CLMP: variants seen among roughly 807,000 people sequenced by gnomAD.
CLMP encodes CXADR like cell adhesion molecule, also known as CXADR-like membrane protein.
CLMP carries 27 observed loss-of-function variants against 45.2 expected under a neutral mutation model. The ratio of observed to expected loss-of-function variants is 0.60; its 90% CI spans 0.44 to 0.82. The LOEUF (loss-of-function observed/expected upper bound fraction) is 0.82. Ranked by LOEUF, CLMP falls within the 40% of genes least tolerant of loss-of-function variation. CLMP has a pLI of 0.00. For synonymous variants in CLMP, 167 were observed against 171.4 expected, an observed-to-expected ratio of 0.97 and a Z score of 0.20; for missense variants, 403 against 448.4, an observed-to-expected ratio of 0.90 and a Z score of 0.91.
At chr11:123,172,043 A>G (rs1348663521) in intron 1 of CLMP, among the ~76,000 whole-genome samples, 1 of 152,052 alleles carries the variant, frequency 6.6e-6, no homozygotes, top group Non-Finnish European at 1.5e-5. Flanking sequence ...TCAACATTAT[A>G]TTATGAGCAT....
intron 5 of CLMP, among the ~76,000 whole-genome samples, chr11:123,078,561 C>T (rs180953640): frequency 2.0e-5 from 3 of 152,180 alleles, no homozygotes; most frequent in African/African-American, 7.2e-5. Context: ...ATTTTCCTAC[C>T]TCAGCCTCCC....
intron 1 of CLMP, among the ~76,000 whole-genome samples, chr11:123,098,876 G>C (rs1034396765): frequency 1.3e-5 from 2 of 151,678 alleles, no homozygotes; most frequent in Admixed American, 6.6e-5. Flanking sequence ...GTACTTTTTA[G>C]TAGAGACGGG....
Position 123,170,895 on chromosome 11 carries a change from G to A in CLMP, c.28+24018C>T, listed in dbSNP as rs115100166. Among the ~76,000 whole-genome samples the A allele has an allele frequency of 9.2e-3, 1,408 of 152,310 alleles. 12 individuals are homozygous for A. The highest frequency in any genetic ancestry group is 0.028 in the African/African-American group (1,167 of 41,560). On this transcript the variant is annotated intron_variant, in intron 1 of 6. Transcript: ENST00000448775. ...GTTCATCACGGGGCGAGGACTCTGT[G>A]CCAGGCACTGGGCAAACCAAGACGA...
intron 1 of CLMP, among the ~76,000 whole-genome samples, chr11:123,171,650 G>T (rs1414152888): frequency 6.6e-6 from 1 of 151,810 alleles, no homozygotes; most frequent in African/African-American, 2.4e-5. Context: ...CACCATGTTG[G>T]CCAGGCTGGT....
intron 1 of CLMP, chr11:123,191,395 G>GAT (rs2135554415): frequency 6.6e-6 from 1 of 152,316 alleles, no homozygotes; most frequent in East Asian, 1.9e-4. Context: ...ATCCTACTGA[G>GAT]ACCTGTCGTT....
chr11:123,125,586 T>G (rs1217334383), intron 1 of CLMP, among the ~76,000 whole-genome samples: 1 of 126,138 alleles, frequency 7.9e-6, no homozygotes, highest in Non-Finnish European at 1.7e-5. Context: ...CCTCCCTCCT[T>G]TCTTTCTTCT....
intron 1 of CLMP, among the ~76,000 whole-genome samples, chr11:123,118,990 T>C (rs1210184440): frequency 4.0e-5 from 2 of 49,816 alleles, no homozygotes; most frequent in Non-Finnish European, 7.4e-5. Context: ...TCTTTCTTTC[T>C]TTCTTTCTTT....
intron 1 of CLMP, among the ~76,000 whole-genome samples, chr11:123,178,610 A>T (rs1861729427): frequency 6.6e-6 from 1 of 152,222 alleles, no homozygotes; most frequent in South Asian, 2.1e-4. Context: ...CATGACCTCC[A>T]TTCATGATGG....
chr11:123,112,769 C>CA (rs1322375010), intron 1 of CLMP, among the ~76,000 whole-genome samples: 160 of 128,560 alleles, frequency 1.2e-3, no homozygotes, highest in African/African-American at 4.8e-3. Context: ...TGTTAGTACC[C>CA]ATTTTTTTTT....
rs1389730088 is a variant in CLMP, at chr11:123,071,068, A to AT, written c.*2405dup. The AT allele has an allele frequency of 2.0e-5, 3 of 152,216 alleles. No homozygotes were observed. Among genetic ancestry groups the AT allele is most frequent in the Non-Finnish European group, 4.4e-5 (3 of 68,052 alleles). The allele number at this position is 152,216 out of a possible 1,614,324, so 9.4% of individuals were successfully genotyped here. A position where few individuals can be genotyped will look rare whatever the true frequency, so the allele number is the denominator to read the frequency against. ...TTTCCTCTTTAAGCATCTGCTTCCC[A>AT]TTTTAGAAACATGCTTTCATCACCA... On this transcript the variant is annotated 3_prime_UTR_variant, in exon 7 of 7. Transcript: ENST00000448775.
intron 2 of CLMP, among the ~76,000 whole-genome samples, chr11:123,090,076 T>C (rs7104473): frequency 0.17 from 25,223 of 149,374 alleles, 2,757 homozygotes; most frequent in East Asian, 0.39. Flanking sequence ...GCAACAAGAG[T>C]GAAACTCTGT....
intron 1 of CLMP, among the ~76,000 whole-genome samples, chr11:123,099,563 A>G (rs1866030954): frequency 6.6e-6 from 1 of 152,170 alleles, no homozygotes; most frequent in Admixed American, 6.5e-5. Context: ...AATTTATTTT[A>G]TTATGGAGAA....
At chr11:123,127,612 A>G (rs1404114768) in intron 1 of CLMP, among the ~76,000 whole-genome samples, 2 of 152,200 alleles carry the variant, frequency 1.3e-5, no homozygotes, top group African/African-American at 2.4e-5. Flanking sequence ...TTTTCATTTT[A>G]TCAGCATTAC....
intron 1 of CLMP, among the ~76,000 whole-genome samples, chr11:123,121,978 A>G (rs1004501287): frequency 6.6e-6 from 1 of 152,090 alleles, no homozygotes; most frequent in African/African-American, 2.4e-5. Flanking sequence ...CCTGGACTCA[A>G]GCAATCCGCC....
At chr11:123,182,719 G>A (rs1295018507) in intron 1 of CLMP, among the ~76,000 whole-genome samples, 3 of 152,074 alleles carry the variant, frequency 2.0e-5, no homozygotes, top group East Asian at 3.9e-4. Flanking sequence ...GCCCGACCTC[G>A]GCAAAAGGGT....
intron 1 of CLMP, among the ~76,000 whole-genome samples, chr11:123,130,970 G>A (rs1299019647): frequency 1.3e-5 from 2 of 150,556 alleles, no homozygotes; most frequent in Non-Finnish European, 2.9e-5. Flanking sequence ...AGCCTCCCAA[G>A]TAGCTGGGAT....
At chr11:123,085,779 T>TG (rs1020240468) in intron 2 of CLMP, among the ~76,000 whole-genome samples, 24 of 147,728 alleles carry the variant, frequency 1.6e-4, no homozygotes, top group African/African-American at 5.7e-4. Context: ...GTTTTTTTTT[T>TG]TTTGTTTTTT....
chr11:123,093,352 T>G lies in CLMP; in HGVS notation c.186+4443A>C, dbSNP rs1027711052. 5.3e-5 allele frequency among the ~76,000 whole-genome samples: 8 copies of G among 151,992 alleles called. No homozygotes were observed. The South Asian group carries it at 1.2e-3, about 24-fold the overall frequency. On this transcript the variant is annotated intron_variant, in intron 2 of 6. Transcript: ENST00000448775. Reference sequence around the variant, plus strand: ...AAATTATACAATTGCAAGATACTATTTTTTGCGGGGTGGGGATGGAGTCTC... The same window carrying G: ...AAATTATACAATTGCAAGATACTATGTTTTGCGGGGTGGGGATGGAGTCTC...
At chr11:123,085,924 A>C (rs1282291451) in intron 2 of CLMP, among the ~76,000 whole-genome samples, 1 of 151,910 alleles carries the variant, frequency 6.6e-6, no homozygotes, top group Non-Finnish European at 1.5e-5. Flanking sequence ...TTACAGATGC[A>C]TGCCACCATG....
Sources: allele counts gnomAD v4.1 joint callset (sites outside exome capture counted in the v4.1 genomes callset), GRCh38; gene constraint gnomAD v4.1.1; transcripts MANE v1.5; gene names NCBI Gene and HGNC (gene_info 2026-07-23, HGNC 2026-07-21).